EPB41L4B: variants seen among roughly 807,000 people sequenced by gnomAD.
EPB41L4B encodes band 4.1-like protein 4B.
Under a neutral mutation model 112.5 loss-of-function variants are expected in EPB41L4B, and 30 were observed. That is an observed-to-expected ratio of 0.27 (90% CI 0.20 to 0.36). The LOEUF is 0.36. Ranked by LOEUF, EPB41L4B falls within the 10% of genes least tolerant of loss-of-function variation. The pLI is 1.00. For missense variants in EPB41L4B, 1,024 were observed against 1,133.3 expected, an observed-to-expected ratio of 0.90 and a Z score of 1.38; for synonymous variants, 408 against 439.7, an observed-to-expected ratio of 0.93 and a Z score of 0.90.
At chr9:109,207,618 A>G (rs1472480155) in intron 18 of EPB41L4B, among the ~76,000 whole-genome samples, 7 of 151,688 alleles carry the variant, frequency 4.6e-5, no homozygotes, top group African/African-American at 1.7e-4. Flanking sequence ...GAGGAGAGGA[A>G]TATTCATGAG....
At chr9:109,204,288 A>G (rs13284294) in intron 18 of EPB41L4B, among the ~76,000 whole-genome samples, 8,911 of 152,030 alleles carry the variant, frequency 0.059, 406 homozygotes, top group Admixed American at 0.13. Context: ...CCAGCTGACC[A>G]CACACTAGTG....
At chr9:109,209,184 T>C (rs925966126) in intron 17 of EPB41L4B, among the ~76,000 whole-genome samples, 3 of 152,220 alleles carry the variant, frequency 2.0e-5, no homozygotes, top group East Asian at 1.9e-4. Flanking sequence ...AGAGGAAGTA[T>C]AGAGCAACTG....
chr9:109,176,893 T>A (rs535821401), intron 24 of EPB41L4B, among the ~76,000 whole-genome samples, 197 bp from the exon 25 acceptor site: 8 of 152,258 alleles, frequency 5.3e-5, no homozygotes, highest in African/African-American at 1.9e-4. Flanking sequence ...TGACAACCCT[T>A]TAAGGTAGCG....
intron 17 of EPB41L4B, 56 bp downstream of exon 17, chr9:109,213,644 G>A: frequency 2.1e-6 from 3 of 1,444,384 alleles, no homozygotes; most frequent in Admixed American, 3.4e-5. Context: ...GTAGTAATCA[G>A]AGGTTTGATG....
chr9:109,316,744 C>T (rs985168245), intron 1 of EPB41L4B, among the ~76,000 whole-genome samples: 4 of 152,126 alleles, frequency 2.6e-5, no homozygotes, highest in Non-Finnish European at 5.9e-5. Flanking sequence ...TTAAAAAGAT[C>T]CTTTTATTCA....
At chr9:109,209,488 C>T (rs1047168877) in intron 17 of EPB41L4B, among the ~76,000 whole-genome samples, 13 of 151,888 alleles carry the variant, frequency 8.6e-5, no homozygotes, top group African/African-American at 1.2e-4. Flanking sequence ...CAGCGAAACC[C>T]CATCTCTACT....
At chr9:109,191,957 C>T (rs991860209) in intron 22 of EPB41L4B, among the ~76,000 whole-genome samples, 1 of 152,160 alleles carries the variant, frequency 6.6e-6, no homozygotes, top group Admixed American at 6.5e-5. Context: ...CACGGGTGGG[C>T]ATGCAGGGCG....
intron 15 of EPB41L4B, 118 bp downstream of exon 15, chr9:109,243,500 T>G (rs372028125): frequency 3.5e-6 from 3 of 866,970 alleles, no homozygotes; most frequent in African/African-American, 1.7e-5. Context: ...GCCATGACAA[T>G]GCATCCCTTA....
chr9:109,240,301 C>A, intron 15 of EPB41L4B: 1 of 985,418 alleles, frequency 1.0e-6, no homozygotes, highest in Non-Finnish European at 1.2e-6. Flanking sequence ...CACCTGTAAA[C>A]AAATGCCTTA....
At chr9:109,221,188 T>C (rs1055176372) in intron 15 of EPB41L4B, among the ~76,000 whole-genome samples, 10 of 151,780 alleles carry the variant, frequency 6.6e-5, no homozygotes, top group Admixed American at 1.3e-4. Context: ...TTACCTGTTA[T>C]ATAGCAGGTG....
intron 17 of EPB41L4B, among the ~76,000 whole-genome samples, chr9:109,211,950 C>T (rs1049597905): frequency 6.6e-6 from 1 of 151,680 alleles, no homozygotes; most frequent in Admixed American, 6.6e-5. Flanking sequence ...GAACTCCTGA[C>T]CTCAAGAGAT....
At chr9:109,232,056 A>G (rs1222603483) in intron 15 of EPB41L4B, among the ~76,000 whole-genome samples, 1 of 151,434 alleles carries the variant, frequency 6.6e-6, no homozygotes, top group Non-Finnish European at 1.5e-5. Context: ...CAGTGGTGCA[A>G]TCTCCGCTCA....
At chr9:109,280,262 G>C (rs1307119991) in intron 1 of EPB41L4B, among the ~76,000 whole-genome samples, 3 of 152,194 alleles carry the variant, frequency 2.0e-5, no homozygotes, top group Non-Finnish European at 4.4e-5. Flanking sequence ...CCTTACTCTA[G>C]CGTAGCAAAA....
intron 13 of EPB41L4B, among the ~76,000 whole-genome samples, chr9:109,248,783 G>C (rs1423139974): frequency 6.6e-6 from 1 of 152,010 alleles, no homozygotes; most frequent in African/African-American, 2.4e-5. Context: ...ATATAGGCCG[G>C]GCGTGGTAGC....
rs150987379 is a variant in EPB41L4B at position 109,305,574 on chromosome 9, C to T, written c.306+14567G>A. 3.4e-3 allele frequency among the ~76,000 whole-genome samples: 521 copies of T among 152,136 alleles called. 4 individuals carry two copies. Among genetic ancestry groups the T allele is most frequent in the African/African-American group, 0.012 (488 of 41,508 alleles). On this transcript the variant is annotated intron_variant, in intron 1 of 25. Coordinates refer to ENST00000374566, the MANE Select transcript of EPB41L4B (RefSeq NM_019114.5). Reference sequence around the variant, plus strand: ...AGGAGGTTGCAGTAAGTGGAGACTGCGCCACTGCACTCCATCCTGGGCGAA... The same window carrying T: ...AGGAGGTTGCAGTAAGTGGAGACTGTGCCACTGCACTCCATCCTGGGCGAA...
At chr9:109,290,545 C>T (rs1836484223) in intron 1 of EPB41L4B, among the ~76,000 whole-genome samples, 1 of 152,056 alleles carries the variant, frequency 6.6e-6, no homozygotes, top group East Asian at 1.9e-4. Context: ...CCCAGAGCTC[C>T]ACCTGGGATC....
chr9:109,174,960 A>C, intron 25 of EPB41L4B, among the ~76,000 whole-genome samples: 1 of 126,740 alleles, frequency 7.9e-6, no homozygotes, highest in Admixed American at 1.0e-4. Context: ...TCTGTCACCC[A>C]GGCTGGAGTA....
chr9:109,257,095 A>G (rs1835010732), intron 7 of EPB41L4B, among the ~76,000 whole-genome samples: 1 of 152,224 alleles, frequency 6.6e-6, no homozygotes, highest in South Asian at 2.1e-4. Flanking sequence ...GTGGATGTGT[A>G]AGTGTGTGGG....
At chr9:109,267,121 T>C (rs1392887429) in intron 4 of EPB41L4B, among the ~76,000 whole-genome samples, 3 of 152,160 alleles carry the variant, frequency 2.0e-5, no homozygotes, top group South Asian at 2.1e-4. Flanking sequence ...TCTTAAAACA[T>C]AAGATGGCGA....
Sources: gnomAD v4.1 joint callset for allele counts (sites outside exome capture counted in the v4.1 genomes callset) on GRCh38, gnomAD v4.1.1 for gene constraint, MANE v1.5 for transcripts, NCBI Gene and HGNC (gene_info 2026-07-23, HGNC 2026-07-21) for gene names.